The following CA4 variants were observed in gnomAD, a reference collection of about 807,000 sequenced individuals.
The protein encoded by CA4 is carbonic anhydrase 4.
In CA4, 24 loss-of-function variants were observed where a neutral mutation model predicts 34.5. The ratio of observed to expected loss-of-function variants is 0.70; its 90% CI spans 0.50 to 0.98. The LOEUF (loss-of-function observed/expected upper bound fraction) is 0.98, where lower values mean the gene tolerates loss of function less well. Ranked by LOEUF, CA4 falls within the 50% of genes least tolerant of loss-of-function variation. The probability of loss-of-function intolerance (pLI) is 0.00; values close to 1 mark genes in which losing one functional copy is unlikely to be tolerated. For synonymous variants in CA4, 178 were observed against 170.6 expected (o/e 1.04, Z -0.34); for missense variants, 394 against 396.7 (o/e 0.99, Z 0.06).
intron 2 of CA4, among the ~76,000 whole-genome samples, chr17:60,155,743 G>A (rs2083671824): frequency 6.6e-6 from 1 of 152,076 alleles, no homozygotes; most frequent in Admixed American, 6.6e-5. Context: ...AGCATAGAGT[G>A]ACCTGAGTCT....
Position 60,159,215 on chromosome 17 carries a change from C to G in CA4, c.745-15C>G. The stretch of plus-strand genomic sequence containing the variant: ...TCCCCCTGCCCCGACCTGCTGAGCC[C>G]CATCACTTCCGCAGATCCTGGCATT... On this transcript the variant is annotated splice_polypyrimidine_tract_variant and intron_variant, in intron 7 of 7. Transcript: ENST00000300900. 6.3e-7 allele frequency: 1 copy of G among 1,587,568 alleles called. No homozygotes were observed. The highest frequency in any genetic ancestry group is 1.8e-5 in the Admixed American group (1 of 56,444).
chr17:60,166,219 C>T (rs2083854103), intron 5 of CA4, among the ~76,000 whole-genome samples: 1 of 152,216 alleles, frequency 6.6e-6, no homozygotes, highest in Non-Finnish European at 1.5e-5. Context: ...TTCCTCCTCG[C>T]TGACTCAGCC....
chr17:60,157,548 C>T lies in CA4; in HGVS notation c.390C>T (p.Leu130=), dbSNP rs772123429. The change falls in exon 4 of 8, where the codon CTC becomes CTT. Residue 130 remains leucine, a synonymous_variant. Coordinates refer to ENST00000300900, the MANE Select transcript of CA4 (RefSeq NM_000717.5). The part of the protein sequence containing the change: ...DLPYKGSEHS[L]DGEHFAMEMH... ...CATATAAGGGCTCGGAGCACAGCCTCGATGGGGAGCACTTTGCCATGGAGG... is the reference window on the plus strand; with the variant it reads ...CATATAAGGGCTCGGAGCACAGCCTTGATGGGGAGCACTTTGCCATGGAGG... The T allele has an allele frequency of 1.7e-5, 28 of 1,614,212 alleles. No homozygotes were observed. Among genetic ancestry groups the T allele is most frequent in the South Asian group, 2.2e-5 (2 of 91,090 alleles).
At chr17:60,177,558 A>T in the CA4 span, among the ~76,000 whole-genome samples, 1 of 152,270 alleles carries the variant, frequency 6.6e-6, no homozygotes, top group East Asian at 1.9e-4. Flanking sequence ...TAAATAAAAC[A>T]TCTGTAAAGA....
At chr17:60,152,949 A>G (rs1226112787) in intron 1 of CA4, among the ~76,000 whole-genome samples, 1 of 152,194 alleles carries the variant, frequency 6.6e-6, no homozygotes, top group Non-Finnish European at 1.5e-5. Flanking sequence ...AGTTAAGGGA[A>G]CAAATTAATA....
chr17:60,157,902 G>T (rs180892700), intron 5 of CA4, 114 bp downstream of exon 5: 4 of 1,519,580 alleles, frequency 2.6e-6, no homozygotes, highest in Admixed American at 1.9e-5. Flanking sequence ...TCCAACTTCC[G>T]CCTCTGTTTC....
chr17:60,157,008 C>T lies in CA4; in HGVS notation c.268+293C>T, dbSNP rs2083699032. The T allele has an allele frequency of 4.5e-5, 24 of 536,316 alleles. No homozygotes were observed. The South Asian group carries it at 4.6e-4, about 10-fold the overall frequency. The allele number at this position is 536,316 out of a possible 1,614,324, so 33.2% of individuals were successfully genotyped here. On this transcript the variant is annotated intron_variant, in intron 3 of 7. Transcript: ENST00000300900. ...GGCGTGTTCAGAGGACTGCCAGGAG[C>T]TCTGTGTGGAGGAAGGACAGACAGT...
chr17:60,176,211 AAACAAAC>A, the CA4 span, among the ~76,000 whole-genome samples: 1 of 152,206 alleles, frequency 6.6e-6, no homozygotes, highest in African/African-American at 2.4e-5. Context: ...GGAGGTAAAA[AAACAAAC>A]AACAAAACAA....
rs766805022 is a variant in CA4 at position 60,157,585 on chromosome 17, TC to T, written c.414+16del. ...CTTTGCCATGGAGGTGAGGGCCCCT[TC>T]CCGACTGGGACCTTGTCTGGGCTCT... On this transcript the variant is annotated intron_variant, in intron 4 of 7. Coordinates refer to ENST00000300900, the MANE Select transcript of CA4 (RefSeq NM_000717.5). 1.2e-6 allele frequency: 2 copies of T among 1,614,118 alleles called. No homozygotes were observed. Among genetic ancestry groups the T allele is most frequent in the East Asian group, 4.5e-5 (2 of 44,872 alleles).
chr17:60,162,495 C>A (rs1307270359), downstream of CA4, among the ~76,000 whole-genome samples: 1 of 151,666 alleles, frequency 6.6e-6, no homozygotes, highest in East Asian at 1.9e-4. Flanking sequence ...AGCCTGGCCC[C>A]TGAGCCCTCC....
chr17:60,158,029 G>A, intron 5 of CA4, 32 bp from the exon 6 acceptor site: 1 of 1,612,276 alleles, frequency 6.2e-7, no homozygotes, highest in Non-Finnish European at 8.5e-7. Flanking sequence ...GCTCCCTGCA[G>A]ACTTTCTCAA....
downstream of CA4, among the ~76,000 whole-genome samples, chr17:60,173,421 G>T (rs2083929858): frequency 6.6e-6 from 1 of 152,110 alleles, no homozygotes; most frequent in Admixed American, 6.6e-5. Context: ...CTGCTCCTTT[G>T]TCCATCTGAA....
At chr17:60,176,408 A>C in the CA4 span, among the ~76,000 whole-genome samples, 138 of 151,838 alleles carry the variant, frequency 9.1e-4, no homozygotes, top group African/African-American at 2.8e-3. Flanking sequence ...TGTCACCTTC[A>C]TCTCTTCTCA....
chr17:60,168,358 T>TG (rs1263224307), intron 5 of CA4, among the ~76,000 whole-genome samples: 1 of 34,706 alleles, frequency 2.9e-5, no homozygotes, highest in Non-Finnish European at 4.9e-5. Context: ...TTTCTTTTTT[T>TG]GGGGGGGGCA....
At chr17:60,172,067 C>T (rs2145314768), downstream of CA4, among the ~76,000 whole-genome samples, 1 of 152,252 alleles carries the variant, frequency 6.6e-6, no homozygotes, top group East Asian at 1.9e-4. Context: ...CCTGCTGATC[C>T]CTAATGTGGA....
chr17:60,151,602 A>G (rs1045290855), intron 1 of CA4: 1 of 152,202 alleles, frequency 6.6e-6, no homozygotes, highest in African/African-American at 2.4e-5. Flanking sequence ...GCGTTTGAAT[A>G]AGATAATGGG....
chr17:60,152,991 G>A (rs954756137), intron 1 of CA4, among the ~76,000 whole-genome samples: 1 of 152,176 alleles, frequency 6.6e-6, no homozygotes, highest in East Asian at 1.9e-4. Flanking sequence ...ACTTGGGAAG[G>A]TCCAGATACT....
the CA4 span, among the ~76,000 whole-genome samples, chr17:60,178,394 G>A: frequency 0.04 from 6,043 of 152,292 alleles, 444 homozygotes; most frequent in African/African-American, 0.14. Context: ...TGAAGATGGT[G>A]CAAATATTGG....
At chr17:60,154,942 C>G (rs1186460258) in intron 1 of CA4, among the ~76,000 whole-genome samples, 1 of 152,186 alleles carries the variant, frequency 6.6e-6, no homozygotes, top group Non-Finnish European at 1.5e-5. Flanking sequence ...CTCCTCTCAC[C>G]AGCCTCTTTT....
Sources: allele counts gnomAD v4.1 joint callset (sites outside exome capture counted in the v4.1 genomes callset), GRCh38; gene constraint gnomAD v4.1.1; transcripts MANE v1.5; gene names NCBI Gene and HGNC (gene_info 2026-07-23, HGNC 2026-07-21).